STXBP5L: variants seen among roughly 807,000 people sequenced by gnomAD.
STXBP5L encodes syntaxin binding protein 5L, also known as syntaxin-binding protein 5-like.
STXBP5L carries 65 observed loss-of-function variants against 144.5 expected under a neutral mutation model. The ratio of observed to expected loss-of-function variants is 0.45; its 90% CI spans 0.37 to 0.55. STXBP5L has a LOEUF of 0.55. Ranked by LOEUF, STXBP5L falls within the 20% of genes least tolerant of loss-of-function variation. STXBP5L has a pLI of 0.00. For synonymous variants in STXBP5L, 505 were observed against 469.6 expected (o/e 1.08, Z -0.97); for missense variants, 1,298 against 1,405.5 (o/e 0.92, Z 1.22).
intron 9 of STXBP5L, among the ~76,000 whole-genome samples, chr3:121,178,205 G>A (rs2047010443): frequency 6.6e-6 from 1 of 152,136 alleles, no homozygotes; most frequent in African/African-American, 2.4e-5. Flanking sequence ...TAATGGTGGT[G>A]ATTCTTGCAC....
intron 22 of STXBP5L, among the ~76,000 whole-genome samples, chr3:121,395,479 A>G (rs1161829150): frequency 6.6e-6 from 1 of 152,180 alleles, no homozygotes; most frequent in Non-Finnish European, 1.5e-5. Flanking sequence ...AGTCATTAAT[A>G]AAATATTCTT....
At chr3:120,993,915 C>T (rs1943132846) in intron 3 of STXBP5L, among the ~76,000 whole-genome samples, 1 of 151,928 alleles carries the variant, frequency 6.6e-6, no homozygotes, top group South Asian at 2.1e-4. Flanking sequence ...AATAATAATT[C>T]TTCCAATTCA....
chr3:121,106,739 A>G lies in STXBP5L; in HGVS notation c.471-8186A>G, dbSNP rs1032808331. Reference sequence around the variant, plus strand: ...ATATCTTCATGATAGAATGATTTATATTCCTCTGGGTATATACCCAGTAAT... The same window carrying G: ...ATATCTTCATGATAGAATGATTTATGTTCCTCTGGGTATATACCCAGTAAT... On this transcript the variant is annotated intron_variant, in intron 5 of 26. Transcript: ENST00000471454. 2.6e-5 allele frequency among the ~76,000 whole-genome samples: 4 copies of G among 152,282 alleles called. No individual in the cohort carries two copies. In the East Asian group the frequency reaches 7.7e-4, roughly 29 times the overall value.
At chr3:121,051,773 C>A (rs1396159834) in intron 5 of STXBP5L, among the ~76,000 whole-genome samples, 1 of 151,998 alleles carries the variant, frequency 6.6e-6, no homozygotes, top group Non-Finnish European at 1.5e-5. Flanking sequence ...ACAAAAAAAC[C>A]CTTCAAAAAA....
intron 20 of STXBP5L, chr3:121,324,419 A>G (rs1344180767): frequency 3.3e-6 from 2 of 602,462 alleles, no homozygotes; most frequent in East Asian, 2.9e-5. Context: ...ATTCAGCTTT[A>G]TTAAAGATAA....
intron 9 of STXBP5L, 74 bp from the exon 10 acceptor site, chr3:121,205,849 C>G: frequency 2.8e-6 from 2 of 725,560 alleles, no homozygotes; most frequent in Non-Finnish European, 4.3e-6. Flanking sequence ...TTTAAATTCC[C>G]TTAGTCAAAT....
chr3:121,279,960 G>A lies in STXBP5L; in HGVS notation c.2110+4G>A. On this transcript the variant is annotated splice_donor_region_variant and intron_variant, in intron 19 of 26. Transcript: ENST00000471454. ...AAAAACAAACAGTTCATTGCAGGTA[G>A]GAGATAAAACAAGATGAGTTATGAA... 8 of 1,610,114 alleles carry A rather than the reference G, an allele frequency of 5.0e-6. No individual in the cohort carries two copies. Among genetic ancestry groups the A allele is most frequent in the Non-Finnish European group, 6.8e-6 (8 of 1,178,070 alleles).
intron 5 of STXBP5L, among the ~76,000 whole-genome samples, chr3:121,055,811 C>T (rs1948418192): frequency 6.6e-6 from 1 of 152,036 alleles, no homozygotes; most frequent in African/African-American, 2.4e-5. Context: ...GCAGTCCTCC[C>T]ACCTTAGCCT....
At chr3:121,187,088 G>C (rs920743155) in intron 9 of STXBP5L, among the ~76,000 whole-genome samples, 3 of 152,188 alleles carry the variant, frequency 2.0e-5, no homozygotes, top group African/African-American at 4.8e-5. Context: ...GATAATAAAA[G>C]ATGCTGCTAT....
chr3:121,330,339 C>G (rs771855421), intron 20 of STXBP5L, among the ~76,000 whole-genome samples: 1 of 152,178 alleles, frequency 6.6e-6, no homozygotes. Context: ...GCAGAGGCAG[C>G]TACACTTCTC....
At chr3:121,372,293 C>A (rs952144509) in intron 20 of STXBP5L, among the ~76,000 whole-genome samples, 1 of 152,114 alleles carries the variant, frequency 6.6e-6, no homozygotes, top group Non-Finnish European at 1.5e-5. Context: ...CAAGACCACC[C>A]TATAGAGTTC....
chr3:121,037,125 G>C (rs188352883), intron 3 of STXBP5L, among the ~76,000 whole-genome samples: 65 of 151,684 alleles, frequency 4.3e-4, no homozygotes, highest in Middle Eastern at 6.8e-3. Context: ...AGAGATGGGG[G>C]TCTCACTATG....
intron 3 of STXBP5L, among the ~76,000 whole-genome samples, chr3:120,980,181 A>G (rs1019280413): frequency 6.6e-6 from 1 of 152,178 alleles, no homozygotes; most frequent in Admixed American, 6.5e-5. Context: ...GAACAGGAGA[A>G]TATATATTGT....
intron 11 of STXBP5L, among the ~76,000 whole-genome samples, chr3:121,229,993 G>T (rs1318783256): frequency 2.0e-5 from 3 of 152,060 alleles, no homozygotes; most frequent in Non-Finnish European, 2.9e-5. Flanking sequence ...TCAGCAGTTT[G>T]TTTCAGTTTT....
chr3:120,948,890 A>G (rs1431768261), intron 2 of STXBP5L, among the ~76,000 whole-genome samples: 11 of 151,406 alleles, frequency 7.3e-5, no homozygotes, highest in Non-Finnish European at 1.5e-4. Context: ...TCTTTTTCAT[A>G]TAATGATTTT....
chr3:121,124,985 G>A lies in STXBP5L; in HGVS notation c.669+3281G>A, dbSNP rs148383702. On this transcript the variant is annotated intron_variant, in intron 7 of 26. Transcript: ENST00000471454. ...TGAATAGTGTCAAATTTTATTGAAT[G>A]CTTTCTACATGTATCAAGATTATTA... 3.9e-5 allele frequency among the ~76,000 whole-genome samples: 6 copies of A among 152,150 alleles called. No homozygotes were observed. The East Asian group carries it at 1.2e-3, about 29-fold the overall frequency.
At chr3:121,312,336 G>A (rs2043561138) in intron 19 of STXBP5L, among the ~76,000 whole-genome samples, 1 of 128,958 alleles carries the variant, frequency 7.8e-6, no homozygotes, top group South Asian at 2.7e-4. Flanking sequence ...AGCCAGAATT[G>A]ACAAATGGGA....
chr3:121,289,639 C>A (rs1048885833), intron 19 of STXBP5L, among the ~76,000 whole-genome samples: 3 of 152,058 alleles, frequency 2.0e-5, no homozygotes, highest in Admixed American at 6.6e-5. Flanking sequence ...CCAGGATAGA[C>A]CATATGATAG....
At position 121,320,701 on chromosome 3, in the gene STXBP5L, C is replaced by CTTTTTT. The variant is rs533248342; in HGVS notation, c.2176+2175_2176+2180dup. On this transcript the variant is annotated intron_variant, in intron 20 of 26. Coordinates refer to ENST00000471454, the MANE Select transcript of STXBP5L (RefSeq NM_001308330.2). ...ACCACCACAACGCACAACGACCACA[C>CTTTTTT]TTTTTTTTTTTTTTTTTTTAGACGG... 5.6e-4 allele frequency among the ~76,000 whole-genome samples: 75 copies of CTTTTTT among 134,874 alleles called. 1 individual carries two copies. The South Asian group carries it at 0.018, about 32-fold the overall frequency. The allele number at this position is 134,874 out of a possible 152,430, so 88.5% of individuals were successfully genotyped here. A position where few individuals can be genotyped will look rare whatever the true frequency, so the allele number is the denominator to read the frequency against.
Sources: allele counts gnomAD v4.1 joint callset (sites outside exome capture counted in the v4.1 genomes callset), GRCh38; gene constraint gnomAD v4.1.1; transcripts MANE v1.5; gene names NCBI Gene and HGNC (gene_info 2026-07-23, HGNC 2026-07-21).